MAGI2: variants seen among roughly 807,000 people sequenced by gnomAD.
MAGI2 encodes membrane associated guanylate kinase, WW and PDZ domain containing 2.
MAGI2 carries 35 observed loss-of-function variants against 133.3 expected under a neutral mutation model. That is an observed-to-expected ratio of 0.26 (90% CI 0.20 to 0.35). The LOEUF is 0.35. Among genes scored for constraint, MAGI2 ranks in the 10% least tolerant of loss-of-function variants. The pLI is 1.00. For missense variants in MAGI2, 1,636 were observed against 1,863.4 expected, an observed-to-expected ratio of 0.88 and a Z score of 2.25; for synonymous variants, 729 against 710.6, an observed-to-expected ratio of 1.03 and a Z score of -0.41.
At position 78,599,380 on chromosome 7, in the gene MAGI2, C is replaced by A. The variant is rs1036541809; in HGVS notation, c.538+27740G>T. Among the ~76,000 whole-genome samples, 11 of 152,240 alleles carry A rather than the reference C, an allele frequency of 7.2e-5. No homozygotes were observed. The East Asian group carries it at 1.5e-3, about 21-fold the overall frequency. On this transcript the variant is annotated intron_variant, in intron 3 of 21. Coordinates refer to ENST00000354212, the MANE Select transcript of MAGI2 (RefSeq NM_012301.4). ...TTTTTAAGAGCCATTCATAATTTAG[C>A]ATGTGACATAAGCCATGTTTACTTT...
intron 1 of MAGI2, among the ~76,000 whole-genome samples, chr7:79,277,520 G>A (rs1835322782): frequency 6.6e-6 from 1 of 151,962 alleles, no homozygotes; most frequent in Non-Finnish European, 1.5e-5. Flanking sequence ...TTCAACATAT[G>A]TGCTGATCAT....
At chr7:78,459,138 C>A (rs563976247) in intron 6 of MAGI2, among the ~76,000 whole-genome samples, 1 of 152,250 alleles carries the variant, frequency 6.6e-6, no homozygotes, top group Non-Finnish European at 1.5e-5. Flanking sequence ...TGCTTCTACA[C>A]TTCTGTCAAT....
At chr7:78,511,748 C>A (rs1254824103) in intron 4 of MAGI2, among the ~76,000 whole-genome samples, 1 of 149,670 alleles carries the variant, frequency 6.7e-6, no homozygotes, top group East Asian at 1.9e-4. Flanking sequence ...GTTTTTGACT[C>A]TTCGTGCTCT....
chr7:78,555,227 TAGA>T (rs1799715787), intron 3 of MAGI2, among the ~76,000 whole-genome samples: 4 of 146,772 alleles, frequency 2.7e-5, no homozygotes, highest in Non-Finnish European at 6.2e-5. Flanking sequence ...GATAGACAGA[TAGA>T]TAGATAGATA....
intron 3 of MAGI2, among the ~76,000 whole-genome samples, chr7:78,612,922 G>A (rs1171203739): frequency 7.2e-5 from 11 of 151,966 alleles, no homozygotes; most frequent in Admixed American, 7.2e-4. Flanking sequence ...CGCCCGCCTC[G>A]GCCTCCCAAA....
intron 3 of MAGI2, among the ~76,000 whole-genome samples, chr7:78,599,576 T>G (rs1316951087): frequency 6.6e-6 from 1 of 152,166 alleles, no homozygotes; most frequent in African/African-American, 2.4e-5. Flanking sequence ...CTTAAAAAAC[T>G]TCATTGGTAT....
chr7:78,757,428 T>G (rs1189785294), intron 2 of MAGI2, among the ~76,000 whole-genome samples: 1 of 152,154 alleles, frequency 6.6e-6, no homozygotes, highest in African/African-American at 2.4e-5. Flanking sequence ...CTCTTGGCCC[T>G]CTTTCCTCTC....
At chr7:79,327,308 A>T (rs1260163786) in intron 1 of MAGI2, among the ~76,000 whole-genome samples, 1 of 152,222 alleles carries the variant, frequency 6.6e-6, no homozygotes, top group Admixed American at 6.6e-5. Context: ...TATGGGTAGC[A>T]TATAAACTCT....
At chr7:78,726,253 C>T (rs1820797208) in intron 2 of MAGI2, among the ~76,000 whole-genome samples, 1 of 152,074 alleles carries the variant, frequency 6.6e-6, no homozygotes, top group Non-Finnish European at 1.5e-5. Context: ...TTTCTGTTGC[C>T]ATTTATTTGT....
chr7:78,599,764 C>G (rs1563224090), intron 3 of MAGI2, among the ~76,000 whole-genome samples: 1 of 152,112 alleles, frequency 6.6e-6, no homozygotes, highest in Non-Finnish European at 1.5e-5. Flanking sequence ...TATCTTGAGT[C>G]CTTCCCCAGC....
rs553114989 is a variant in MAGI2 at position 78,589,985 on chromosome 7, T to C, written c.538+37135A>G. Among the ~76,000 whole-genome samples the C allele has an allele frequency of 1.3e-4, 20 of 152,318 alleles. No homozygotes were observed. The South Asian group carries it at 4.1e-3, about 32-fold the overall frequency. Reference sequence around the variant, plus strand: ...TAATATTGACAAACTGCTATGAAACTGGAGTTCAGAAAACAGTGTAAATTG... The same window carrying C: ...TAATATTGACAAACTGCTATGAAACCGGAGTTCAGAAAACAGTGTAAATTG... On this transcript the variant is annotated intron_variant, in intron 3 of 21. Transcript: ENST00000354212.
chr7:79,058,199 A>T lies in MAGI2; in HGVS notation c.302-50993T>A, dbSNP rs547635869. On this transcript the variant is annotated intron_variant, in intron 1 of 21. Coordinates refer to ENST00000354212, the MANE Select transcript of MAGI2 (RefSeq NM_012301.4). ...AATTCAAGTCAGAAATTTATTTTGT[A>T]GATTAGACATTGACTCCCATTAGTT... 5.3e-5 allele frequency among the ~76,000 whole-genome samples: 8 copies of T among 152,248 alleles called. 1 individual carries two copies. Among genetic ancestry groups the T allele is most frequent in the African/African-American group, 1.9e-4 (8 of 41,570 alleles).
At chr7:79,027,926 G>A (rs561626956) in intron 1 of MAGI2, among the ~76,000 whole-genome samples, 2 of 151,956 alleles carry the variant, frequency 1.3e-5, no homozygotes, top group Admixed American at 6.6e-5. Context: ...TGGCAGCAAG[G>A]CAGAGAGGAC....
chr7:78,644,913 G>A (rs1810689565), intron 2 of MAGI2, among the ~76,000 whole-genome samples: 1 of 152,070 alleles, frequency 6.6e-6, no homozygotes, highest in Non-Finnish European at 1.5e-5. Flanking sequence ...CAAATTATCA[G>A]TATTACAATG....
chr7:79,094,358 G>C (rs1274341674), intron 1 of MAGI2, among the ~76,000 whole-genome samples: 2 of 152,220 alleles, frequency 1.3e-5, no homozygotes, highest in East Asian at 3.9e-4. Flanking sequence ...TCTAATTCTA[G>C]TTATTTTGCT....
At chr7:78,128,569 AT>A (rs769651576) in intron 18 of MAGI2, among the ~76,000 whole-genome samples, 846 of 144,536 alleles carry the variant, frequency 5.9e-3, no homozygotes, top group Middle Eastern at 0.011. Flanking sequence ...AAGAGTCTGG[AT>A]TTTTTTTTTT....
intron 2 of MAGI2, among the ~76,000 whole-genome samples, chr7:78,776,529 A>G (rs1476883091): frequency 6.6e-6 from 1 of 152,232 alleles, no homozygotes. Flanking sequence ...TTAAAAAACA[A>G]TTATATCTGC....
chr7:79,420,216 A>G (rs1400000203), intron 1 of MAGI2, among the ~76,000 whole-genome samples: 1 of 152,066 alleles, frequency 6.6e-6, no homozygotes, highest in Non-Finnish European at 1.5e-5. Flanking sequence ...ACAAAGGGGG[A>G]ATAGGTTGCA....
At chr7:79,445,627 C>T (rs534722119) in intron 1 of MAGI2, among the ~76,000 whole-genome samples, 71 of 152,326 alleles carry the variant, frequency 4.7e-4, no homozygotes, top group African/African-American at 1.7e-3. Context: ...TACCATCTCA[C>T]ACCAGTTAGA....
Sources: gnomAD v4.1 joint callset for allele counts (sites outside exome capture counted in the v4.1 genomes callset) on GRCh38, gnomAD v4.1.1 for gene constraint, MANE v1.5 for transcripts, NCBI Gene and HGNC (gene_info 2026-07-23, HGNC 2026-07-21) for gene names.